COX20: variants seen among roughly 807,000 people sequenced by gnomAD.
COX20 encodes cytochrome c oxidase assembly factor COX20, also known as cytochrome c oxidase assembly protein COX20, mitochondrial.
Under a neutral mutation model 14.3 loss-of-function variants are expected in COX20, and 14 were observed. The ratio of observed to expected loss-of-function variants is 0.98; its 90% CI spans 0.65 to 1.53. COX20 has a LOEUF of 1.53. Among genes scored for constraint, COX20 ranks in the 40% most tolerant of loss-of-function variants. COX20 has a pLI of 0.00. For missense variants in COX20, 149 were observed against 142.1 expected (o/e 1.05, Z -0.25); for synonymous variants, 56 against 51.7 (o/e 1.08, Z -0.36).
Position 244,843,093 on chromosome 1 carries a change from A to G in COX20, c.274A>G (p.Arg92Gly), listed in dbSNP as rs771987123. The G allele has an allele frequency of 1.9e-6, 3 of 1,596,008 alleles. No individual in the cohort carries two copies. The highest frequency in any genetic ancestry group is 2.6e-6 in the Non-Finnish European group (3 of 1,173,670). Residue 92 changes from arginine to glycine, a missense_variant, in exon 4 of 4, where the codon AGA (arginine) becomes GGA (glycine). Coordinates refer to ENST00000411948, the MANE Select transcript of COX20 (RefSeq NM_198076.6). ...GCAAAGAATCCAGGAAAGAATTGCC[A>G]GAGAAGAAATTAAAAAGAAGATATT... ...AKQRIQERIA[R>G]EEIKKKILYE...
At chr1:244,835,311 T>G, upstream of COX20, 3 of 161,700 alleles carry the variant, frequency 1.9e-5, no homozygotes, top group Non-Finnish European at 2.7e-5. Context: ...GGCTCGTGCG[T>G]GTGAGCACGC....
intron 1 of COX20, chr1:244,840,218 TAG>T (rs1680143580): frequency 6.6e-6 from 1 of 152,198 alleles, no homozygotes; most frequent in Non-Finnish European, 1.5e-5. Context: ...AAAAACCACC[TAG>T]AGTTTTCTAA....
intron 1 of COX20, chr1:244,836,539 T>A: frequency 6.5e-7 from 1 of 1,546,158 alleles, no homozygotes. Flanking sequence ...TGATCTTGTT[T>A]TCCTCTTTTC....
chr1:244,842,144 A>C (rs1263723424), intron 2 of COX20, 51 bp from the exon 3 acceptor site: 2 of 1,456,014 alleles, frequency 1.4e-6, no homozygotes, highest in Middle Eastern at 1.8e-4. Flanking sequence ...AGGTGGAGTA[A>C]TGTATATAAC....
At position 244,843,105 on chromosome 1, in the gene COX20, A is replaced by G. The variant is rs759911217; in HGVS notation, c.286A>G (p.Lys96Glu). Residue 96 changes from lysine to glutamate, a missense_variant, in exon 4 of 4, where the codon AAA (lysine) becomes GAA (glutamate). Coordinates refer to ENST00000411948, the MANE Select transcript of COX20 (RefSeq NM_198076.6). ...GGAAAGAATTGCCAGAGAAGAAATT[A>G]AAAAGAAGATATTATATGAAGGTAC... ...IQERIAREEI[K>E]KKILYEGTHL... The G allele has an allele frequency of 8.8e-6, 14 of 1,598,134 alleles. No individual in the cohort carries two copies. Among genetic ancestry groups the G allele is most frequent in the Non-Finnish European group, 1.2e-5 (14 of 1,174,866 alleles).
At position 244,836,523 on chromosome 1, in the gene COX20, A is replaced by G. The variant is rs1283894907; in HGVS notation, c.42+767A>G. 8 of 1,549,818 alleles carry G rather than the reference A, an allele frequency of 5.2e-6. No individual in the cohort carries two copies. In the East Asian group the frequency reaches 2.0e-4, roughly 38 times the overall value. On this transcript the variant is annotated intron_variant, in intron 1 of 3. Transcript: ENST00000411948. ...CGTTACATTTATCATATTGGAAGGT[A>G]ATAAATGATCTTGTTTTCCTCTTTT... is the stretch of plus-strand genomic sequence containing the variant.
At chr1:244,836,648 A>T in intron 1 of COX20, 2 of 759,738 alleles carry the variant, frequency 2.6e-6, no homozygotes, top group Non-Finnish European at 2.1e-6. Context: ...TTTAATATAA[A>T]CTAGGGAGAT....
At position 244,843,075 on chromosome 1, in the gene COX20, AT is replaced by A; in HGVS notation, c.257del (p.Ile86ThrfsTer37). 1 of 1,592,892 alleles carries A rather than the reference AT, an allele frequency of 6.3e-7. No homozygotes were observed. The highest frequency in any genetic ancestry group is 2.3e-5 in the East Asian group (1 of 44,068). On this transcript the variant is annotated frameshift_variant, in exon 4 of 4. Transcript: ENST00000411948. LOFTEE classifies it high-confidence loss of function. ...HCRYNYAKQRIQERIAREEIK... is the reference protein window; with the variant it reads ...HCRYNYAKQRXQERIAREEIK... ...TAGGTATAATTATGCAAAGCAAAGAATCCAGGAAAGAATTGCCAGAGAAGAA... is the reference window on the plus strand; with the variant it reads ...TAGGTATAATTATGCAAAGCAAAGAACCAGGAAAGAATTGCCAGAGAAGAA...
chr1:244,843,462 G>A lies in COX20; in HGVS notation c.*286G>A. The stretch of plus-strand genomic sequence containing the variant: ...AAACATAGTGTTTAATGTACTTGGA[G>A]TTTCCTTGTAGTAGTAAGTATAGAG... On this transcript the variant is annotated 3_prime_UTR_variant, in exon 4 of 4. Coordinates refer to ENST00000411948, the MANE Select transcript of COX20 (RefSeq NM_198076.6). 3.1e-6 allele frequency: 1 copy of A among 323,168 alleles called. No homozygotes were observed. The highest frequency in any genetic ancestry group is 5.7e-6 in the Non-Finnish European group (1 of 176,430). 20.0% of individuals were successfully genotyped at this position (323,168 alleles called of 1,614,324 possible).
In COX20 at chr1:244,843,207, G is replaced by A. The variant is rs752630666; in HGVS notation, c.*31G>A. On this transcript the variant is annotated 3_prime_UTR_variant, in exon 4 of 4. Transcript: ENST00000411948. ...CTTGAGCATAGAAGTCAATGTAAAC[G>A]AAGTTAAGATCAACCACATAAAACA... 19 of 1,531,818 alleles carry A rather than the reference G, an allele frequency of 1.2e-5. No individual in the cohort carries two copies. In the East Asian group the frequency reaches 1.7e-4, roughly 14 times the overall value. 94.9% of individuals were successfully genotyped at this position (1,531,818 alleles called of 1,614,324 possible).
At chr1:244,839,025 A>G (rs898450452) in intron 1 of COX20, among the ~76,000 whole-genome samples, 1 of 152,148 alleles carries the variant, frequency 6.6e-6, no homozygotes, top group Non-Finnish European at 1.5e-5. Context: ...TCCGACCTCA[A>G]GTGATCCACC....
chr1:244,838,389 G>T (rs1472634684), intron 1 of COX20, among the ~76,000 whole-genome samples: 1 of 152,124 alleles, frequency 6.6e-6, no homozygotes, highest in African/African-American at 2.4e-5. Flanking sequence ...TCATATAATG[G>T]CATTTAATTG....
upstream of COX20, chr1:244,835,413 C>G (rs1679927153): frequency 6.0e-6 from 2 of 335,036 alleles, no homozygotes; most frequent in East Asian, 9.0e-5. Flanking sequence ...CCCCACCTCG[C>G]CAGGAATCTA....
chr1:244,835,554 T>G (rs1479717146), upstream of COX20: 3 of 449,022 alleles, frequency 6.7e-6, no homozygotes, highest in African/African-American at 2.0e-5. Flanking sequence ...GTGCGGCCAC[T>G]GCGGAGCGTT....
intron 1 of COX20, 91 bp downstream of exon 1, chr1:244,835,847 T>G (rs1297453356): frequency 2.2e-6 from 2 of 911,096 alleles, no homozygotes; most frequent in East Asian, 3.3e-5. Context: ...CACGTGTCAC[T>G]GGCTTCTCTG....
chr1:244,839,292 A>G lies in COX20; in HGVS notation c.43-2652A>G, dbSNP rs147269453. ...CACTGAAGCAGATTTAGTGGTGGAAAATCAACTGTCTCTAATTTGATCAGA... is the reference window on the plus strand; with the variant it reads ...CACTGAAGCAGATTTAGTGGTGGAAGATCAACTGTCTCTAATTTGATCAGA... On this transcript the variant is annotated intron_variant, in intron 1 of 3. Transcript: ENST00000411948. Among the ~76,000 whole-genome samples the G allele has an allele frequency of 5.0e-3, 764 of 152,230 alleles. 5 individuals carry two copies. The highest frequency in any genetic ancestry group is 0.018 in the African/African-American group (731 of 41,560).
intron 1 of COX20, chr1:244,836,461 T>TAA: frequency 6.5e-7 from 1 of 1,549,114 alleles, no homozygotes; most frequent in Non-Finnish European, 8.7e-7. Context: ...AAAGCTGACT[T>TAA]ACGTACTTTC....
intron 1 of COX20, chr1:244,836,533 C>A: frequency 6.5e-7 from 1 of 1,548,334 alleles, no homozygotes; most frequent in Middle Eastern, 1.7e-4. Context: ...AATAAATGAT[C>A]TTGTTTTCCT....
intron 1 of COX20, among the ~76,000 whole-genome samples, chr1:244,837,179 C>A (rs928236043): frequency 4.6e-5 from 7 of 151,542 alleles, no homozygotes; most frequent in Admixed American, 4.6e-4. Flanking sequence ...CAAAACAATA[C>A]TGTAGTTGTT....
Sources: gnomAD v4.1 joint callset for allele counts (sites outside exome capture counted in the v4.1 genomes callset) on GRCh38, gnomAD v4.1.1 for gene constraint, MANE v1.5 for transcripts, NCBI Gene and HGNC (gene_info 2026-07-23, HGNC 2026-07-21) for gene names.